Variants in NR3C1 observed in about 807,000 individuals in gnomAD.
The protein encoded by NR3C1 is glucocorticoid receptor.
NR3C1 carries 14 observed loss-of-function variants against 74.0 expected under a neutral mutation model. The ratio of observed to expected loss-of-function variants is 0.19; its 90% CI spans 0.12 to 0.30. NR3C1 has a LOEUF of 0.30. Ranked by LOEUF, NR3C1 falls within the 10% of genes least tolerant of loss-of-function variation. NR3C1 has a pLI of 1.00. For synonymous variants in NR3C1, 308 were observed against 332.5 expected (o/e 0.93, Z 0.80); for missense variants, 695 against 909.8 (o/e 0.76, Z 3.04).
intron 1 of NR3C1, among the ~76,000 whole-genome samples, chr5:143,417,953 G>T (rs1313298782): frequency 6.6e-6 from 1 of 152,152 alleles, no homozygotes; most frequent in Non-Finnish European, 1.5e-5. Context: ...ACATCCAGCT[G>T]AGCATGCTCA....
intron 2 of NR3C1, among the ~76,000 whole-genome samples, chr5:143,353,274 G>A (rs1830530303): frequency 6.6e-6 from 1 of 152,072 alleles, no homozygotes; most frequent in African/African-American, 2.4e-5. Context: ...CTGAAGTGTT[G>A]AACCCCTCAA....
At chr5:143,391,393 CA>C (rs1838195541) in intron 2 of NR3C1, among the ~76,000 whole-genome samples, 1 of 152,050 alleles carries the variant, frequency 6.6e-6, no homozygotes, top group Non-Finnish European at 1.5e-5. Flanking sequence ...TCAATATACT[CA>C]AGAGCTTTTT....
rs1217840964 is a variant in NR3C1 at position 143,400,656 on chromosome 5, A to G, written c.184T>C (p.Leu62=). The change falls in exon 2 of 9, where the codon TTG becomes CTG. Residue 62 remains leucine (L), a synonymous_variant. Coordinates refer to ENST00000394464, the MANE Select transcript of NR3C1 (RefSeq NM_000176.3). ...ACTGAGCCTTTTGGAAAATCAACCAAAAGTCTTCGCTGCTTGGAGTCTGAT... is the reference window on the plus strand; with the variant it reads ...ACTGAGCCTTTTGGAAAATCAACCAGAAGTCTTCGCTGCTTGGAGTCTGAT... ...SQSDSKQRRL[L]VDFPKGSVSN... is the part of the protein sequence containing the mutation. The G allele has an allele frequency of 6.2e-7, 1 of 1,614,026 alleles. No homozygotes were observed. Among genetic ancestry groups the G allele is most frequent in the Non-Finnish European group, 8.5e-7 (1 of 1,179,872 alleles).
At chr5:143,391,269 CAA>C (rs1358297352) in intron 2 of NR3C1, among the ~76,000 whole-genome samples, 1 of 152,028 alleles carries the variant, frequency 6.6e-6, no homozygotes, top group Admixed American at 6.6e-5. Context: ...TTTAATAGAT[CAA>C]ATTTGTTTAA....
At position 143,400,741 on chromosome 5, in the gene NR3C1, T is replaced by C; in HGVS notation, c.99A>G (p.Leu33=). Residue 33 remains leucine, a synonymous_variant, in exon 2 of 9, where the codon CTA becomes CTG. Transcript: ENST00000394464. ...RGDVMDFYKT[L]RGGATVKVSA... ...AAACCTTCACAGTAGCTCCTCCTCT[T>C]AGGGTTTTATAGAAGTCCATCACAT... 1 of 1,614,196 alleles carries C rather than the reference T, an allele frequency of 6.2e-7. No individual in the cohort carries two copies. The highest frequency in any genetic ancestry group is 8.5e-7 in the Non-Finnish European group (1 of 1,180,024).
At chr5:143,302,500 C>T (rs563850704) in intron 4 of NR3C1, among the ~76,000 whole-genome samples, 9 of 152,078 alleles carry the variant, frequency 5.9e-5, no homozygotes, top group African/African-American at 1.9e-4. Context: ...TGAAACAGTA[C>T]TTTGACAGCC....
intron 2 of NR3C1, among the ~76,000 whole-genome samples, chr5:143,318,700 G>A (rs1399621210): frequency 6.6e-6 from 1 of 152,070 alleles, no homozygotes; most frequent in Non-Finnish European, 1.5e-5. Flanking sequence ...CTGAAAACCA[G>A]AGTTTATCTC....
At chr5:143,400,917 G>A (rs1840152050) in intron 1 of NR3C1, 65 bp from the exon 2 acceptor site, 2 of 1,213,446 alleles carry the variant, frequency 1.6e-6, no homozygotes, top group Admixed American at 1.9e-5. Context: ...TTATCTTCCT[G>A]ATCCGATTAG....
chr5:143,367,412 CT>C (rs1191271586), intron 2 of NR3C1, among the ~76,000 whole-genome samples: 1 of 152,066 alleles, frequency 6.6e-6, no homozygotes, highest in African/African-American at 2.4e-5. Flanking sequence ...GCTAGGGCAA[CT>C]AGGCAAGAAA....
At chr5:143,295,176 A>G in intron 7 of NR3C1, 1 of 985,158 alleles carries the variant, frequency 1.0e-6, no homozygotes, top group Non-Finnish European at 1.2e-6. Context: ...CCATGATCAA[A>G]GATCAAAGGA....
intron 2 of NR3C1, among the ~76,000 whole-genome samples, chr5:143,377,750 C>T (rs1384164661): frequency 6.6e-6 from 1 of 152,220 alleles, no homozygotes; most frequent in Non-Finnish European, 1.5e-5. Context: ...CTGAACTCGA[C>T]CTGCCTCTTA....
At chr5:143,403,812 G>A (rs976369232), upstream of NR3C1, 31 of 974,782 alleles carry the variant, frequency 3.2e-5, no homozygotes, top group Non-Finnish European at 3.5e-5. Flanking sequence ...CAACTGCAGG[G>A]GCGCCCGCGG....
intron 5 of NR3C1, 47 bp from the exon 6 acceptor site, chr5:143,298,859 C>A (rs1003212177): frequency 1.9e-6 from 3 of 1,597,878 alleles, no homozygotes; most frequent in Non-Finnish European, 2.6e-6. Context: ...TTCAGAAGAT[C>A]ATCTCTGTGG....
At chr5:143,295,061 T>C in intron 7 of NR3C1, 1 of 985,456 alleles carries the variant, frequency 1.0e-6, no homozygotes, top group Non-Finnish European at 1.2e-6. Flanking sequence ...TTTTCTCCCA[T>C]AATTTCTCAT....
At chr5:143,307,274 T>A (rs1467787466) in intron 4 of NR3C1, among the ~76,000 whole-genome samples, 1 of 152,138 alleles carries the variant, frequency 6.6e-6, no homozygotes, top group African/African-American at 2.4e-5. Flanking sequence ...AGTGATGGTA[T>A]AATTAATAGA....
At chr5:143,316,698 CTG>C (rs1205086078) in intron 2 of NR3C1, among the ~76,000 whole-genome samples, 1 of 152,034 alleles carries the variant, frequency 6.6e-6, no homozygotes, top group East Asian at 1.9e-4. Flanking sequence ...AGGATATCAC[CTG>C]TGTGTGTGTT....
At chr5:143,309,321 T>G (rs1820390667) in intron 4 of NR3C1, among the ~76,000 whole-genome samples, 1 of 152,210 alleles carries the variant, frequency 6.6e-6, no homozygotes, top group African/African-American at 2.4e-5. Context: ...TCCGCCTGCC[T>G]TGGTCTCCCA....
chr5:143,279,422 A>ATGAT lies in NR3C1; in HGVS notation c.*2463_*2466dup. The ATGAT allele has an allele frequency of 3.9e-6, 6 of 1,519,784 alleles. No homozygotes were observed. Among genetic ancestry groups the ATGAT allele is most frequent in the Non-Finnish European group, 5.3e-6 (6 of 1,137,648 alleles). The allele number at this position is 1,519,784 out of a possible 1,614,324, so 94.1% of individuals were successfully genotyped here. A position where few individuals can be genotyped will look rare whatever the true frequency, so the allele number is the denominator to read the frequency against. ...TAACCACATAACATTCTATAAAGGAATGATAATCTACGTTTTAGAAGCTCT... is the reference window on the plus strand; with the variant it reads ...TAACCACATAACATTCTATAAAGGAATGATTGATAATCTACGTTTTAGAAGCTCT... On this transcript the variant is annotated 3_prime_UTR_variant, in exon 9 of 9. Transcript: ENST00000394464.
chr5:143,371,248 T>C (rs1011769199), intron 2 of NR3C1, among the ~76,000 whole-genome samples: 1 of 152,228 alleles, frequency 6.6e-6, no homozygotes, highest in Non-Finnish European at 1.5e-5. Context: ...AAATAAAACA[T>C]GTTTATCTTG....
Sources: gnomAD v4.1 joint callset for allele counts (sites outside exome capture counted in the v4.1 genomes callset) on GRCh38, gnomAD v4.1.1 for gene constraint, MANE v1.5 for transcripts, NCBI Gene and HGNC (gene_info 2026-07-23, HGNC 2026-07-21) for gene names.